Variants in MYO6 observed in about 807,000 individuals in gnomAD.
The protein encoded by MYO6 is myosin VI, also known as unconventional myosin-VI.
MYO6 carries 74 observed loss-of-function variants against 178.7 expected under a neutral mutation model. The ratio of observed to expected loss-of-function variants is 0.41; its 90% CI spans 0.34 to 0.50. MYO6 has a LOEUF of 0.50. Ranked by LOEUF, MYO6 falls within the 20% of genes least tolerant of loss-of-function variation. MYO6 has a pLI of 0.09. For missense variants in MYO6, 1,330 were observed against 1,547.4 expected, an observed-to-expected ratio of 0.86 and a Z score of 2.36; for synonymous variants, 477 against 504.6, an observed-to-expected ratio of 0.95 and a Z score of 0.73.
chr6:75,809,796 CT>C (rs1459097096), intron 1 of MYO6, among the ~76,000 whole-genome samples: 1 of 150,714 alleles, frequency 6.6e-6, no homozygotes, highest in Admixed American at 6.6e-5. Flanking sequence ...GGCGTGCTGG[CT>C]GAGGCTTGTA....
intron 1 of MYO6, among the ~76,000 whole-genome samples, chr6:75,756,375 C>T (rs947418680): frequency 2.0e-5 from 3 of 152,178 alleles, no homozygotes; most frequent in African/African-American, 7.2e-5. Flanking sequence ...CTCTGTCACC[C>T]AGGCTGGAGT....
At chr6:75,912,125 G>A (rs1780801314) in intron 33 of MYO6, among the ~76,000 whole-genome samples, 1 of 151,992 alleles carries the variant, frequency 6.6e-6, no homozygotes. Flanking sequence ...TATAGATAAT[G>A]TGATAGTGTA....
chr6:75,787,716 CTCTCTCTCTCTCTCTA>C (rs1441158777), intron 1 of MYO6, among the ~76,000 whole-genome samples: 330 of 51,588 alleles, frequency 6.4e-3, no homozygotes, highest in East Asian at 8.5e-3. Context: ...CTCTCTCTCT[CTCTCTCTCTCTCTCTA>C]TATATATATA....
intron 1 of MYO6, among the ~76,000 whole-genome samples, chr6:75,764,940 A>G (rs1444442589): frequency 6.6e-6 from 1 of 151,290 alleles, no homozygotes; most frequent in East Asian, 2.0e-4. Flanking sequence ...TGGAGCTTGC[A>G]GTGAGCCGAG....
intron 1 of MYO6, among the ~76,000 whole-genome samples, chr6:75,771,620 G>C (rs764478598): frequency 6.6e-6 from 1 of 152,220 alleles, no homozygotes; most frequent in South Asian, 2.1e-4. Context: ...CCTTACTCCT[G>C]TTTGCAGTAT....
At chr6:75,750,134 C>T (rs1307086083) in intron 1 of MYO6, among the ~76,000 whole-genome samples, 6 of 141,932 alleles carry the variant, frequency 4.2e-5, no homozygotes, top group African/African-American at 1.0e-4. Context: ...CTTGGTCTGT[C>T]GCCCAGGCTG....
intron 2 of MYO6, 91 bp from the exon 3 acceptor site, chr6:75,822,691 A>C (rs1347598030): frequency 6.5e-6 from 6 of 926,632 alleles, no homozygotes; most frequent in Admixed American, 1.7e-5. Flanking sequence ...TATTGTTGCC[A>C]CTATTACAGT....
chr6:75,868,515 T>C (rs1375214566), intron 18 of MYO6, among the ~76,000 whole-genome samples: 2 of 152,102 alleles, frequency 1.3e-5, no homozygotes, highest in African/African-American at 4.8e-5. Context: ...TTACATAATC[T>C]TTTATGTTGA....
chr6:75,895,341 A>C, intron 29 of MYO6, 81 bp downstream of exon 29: 2 of 1,132,868 alleles, frequency 1.8e-6, no homozygotes, highest in East Asian at 4.8e-5. Context: ...GTAAATTTTA[A>C]ATTATTTTCT....
intron 3 of MYO6, among the ~76,000 whole-genome samples, chr6:75,825,281 A>C (rs1488007850): frequency 2.0e-5 from 3 of 152,196 alleles, no homozygotes; most frequent in African/African-American, 4.8e-5. Context: ...TGTTGATAAT[A>C]ATAAAGTATA....
intron 15 of MYO6, among the ~76,000 whole-genome samples, chr6:75,861,511 C>T (rs534164414): frequency 3.3e-5 from 5 of 152,180 alleles, no homozygotes; most frequent in Non-Finnish European, 5.9e-5. Flanking sequence ...ACAGCATCCT[C>T]TAACTGGTTG....
chr6:75,873,403 A>G, intron 20 of MYO6, 103 bp downstream of exon 20: 1 of 928,908 alleles, frequency 1.1e-6, no homozygotes, highest in Non-Finnish European at 1.7e-6. Context: ...TGATTATTTT[A>G]CAGTGCAATA....
intron 1 of MYO6, among the ~76,000 whole-genome samples, chr6:75,775,179 G>A (rs1441717985): frequency 6.6e-6 from 1 of 152,166 alleles, no homozygotes; most frequent in Non-Finnish European, 1.5e-5. Flanking sequence ...AGTGCCAGTA[G>A]TCCCAATAGT....
rs553559577 is a variant in MYO6 at position 75,883,598 on chromosome 6, C to A, written c.2416+1780C>A. Among the ~76,000 whole-genome samples, 23 of 152,196 alleles carry A rather than the reference C, an allele frequency of 1.5e-4. No individual in the cohort carries two copies. The East Asian group carries it at 4.1e-3, about 27-fold the overall frequency. On this transcript the variant is annotated intron_variant, in intron 23 of 34. Transcript: ENST00000369977. ...TGGCTTTTGGGATTAGGAATTCAAA[C>A]CCCTTTGACATACTGGGCTAAGCTG...
chr6:75,767,191 A>G (rs1462554083), intron 1 of MYO6, among the ~76,000 whole-genome samples: 1 of 152,008 alleles, frequency 6.6e-6, no homozygotes, highest in African/African-American at 2.4e-5. Context: ...ACGCCCAGCT[A>G]ATATTTTGTA....
At chr6:75,791,229 G>A (rs1279845917) in intron 1 of MYO6, among the ~76,000 whole-genome samples, 2 of 152,106 alleles carry the variant, frequency 1.3e-5, no homozygotes, top group Admixed American at 6.6e-5. Context: ...CACCGTGCCC[G>A]GCCTAATAGC....
At chr6:75,789,638 C>T (rs1399876255) in intron 1 of MYO6, among the ~76,000 whole-genome samples, 4 of 151,886 alleles carry the variant, frequency 2.6e-5, no homozygotes, top group African/African-American at 9.7e-5. Flanking sequence ...ATAATTGACA[C>T]ATAATTGTAC....
chr6:75,750,137 C>T (rs920107146), intron 1 of MYO6, among the ~76,000 whole-genome samples: 2 of 150,658 alleles, frequency 1.3e-5, no homozygotes, highest in African/African-American at 4.9e-5. Flanking sequence ...GGTCTGTCGC[C>T]CAGGCTGGAG....
At chr6:75,770,438 C>T (rs962462228) in intron 1 of MYO6, among the ~76,000 whole-genome samples, 2 of 152,142 alleles carry the variant, frequency 1.3e-5, no homozygotes, top group Non-Finnish European at 2.9e-5. Flanking sequence ...ATTTGTTGCT[C>T]TGTATGTGGT....
Sources: allele counts gnomAD v4.1 joint callset (sites outside exome capture counted in the v4.1 genomes callset), GRCh38; gene constraint gnomAD v4.1.1; transcripts MANE v1.5; gene names NCBI Gene and HGNC (gene_info 2026-07-23, HGNC 2026-07-21).